The following TMEM181 variants were observed in gnomAD, a reference collection of about 807,000 sequenced individuals.
TMEM181 encodes the protein G protein-coupled receptor 178.
TMEM181 carries 39 observed loss-of-function variants against 71.9 expected under a neutral mutation model. That is an observed-to-expected ratio of 0.54 (90% confidence interval 0.42 to 0.71). The LOEUF (loss-of-function observed/expected upper bound fraction) is 0.71. TMEM181 is among the 30% of genes least tolerant of loss of function. TMEM181 has a pLI of 0.00. For synonymous variants in TMEM181, 245 were observed against 228.8 expected, an observed-to-expected ratio of 1.07 and a Z score of -0.64; for missense variants, 595 against 583.0, an observed-to-expected ratio of 1.02 and a Z score of -0.21.
chr6:158,542,203 G>C (rs1439244647), intron 1 of TMEM181, among the ~76,000 whole-genome samples: 1 of 152,056 alleles, frequency 6.6e-6, no homozygotes, highest in Non-Finnish European at 1.5e-5. Flanking sequence ...CACTGCACCC[G>C]GCCTAGATAT....
chr6:158,617,354 T>C (rs1338044170), intron 10 of TMEM181, among the ~76,000 whole-genome samples: 4 of 152,180 alleles, frequency 2.6e-5, no homozygotes, highest in African/African-American at 9.7e-5. Flanking sequence ...TTTTATTGCA[T>C]CTATTTGGTT....
chr6:158,589,110 A>G (rs1783952635), intron 5 of TMEM181, among the ~76,000 whole-genome samples: 1 of 152,254 alleles, frequency 6.6e-6, no homozygotes, highest in Admixed American at 6.5e-5. Context: ...GAGCACACGT[A>G]TCCTCACATC....
rs188967102 is a variant in TMEM181, at chr6:158,566,325, C to T, written c.8+6093C>T. Reference sequence around the variant, plus strand: ...TCATACCTGCATCCTCTCGCAAGCCCGAGACAGGATGAGATTACCAAGGGA... The same window carrying T: ...TCATACCTGCATCCTCTCGCAAGCCTGAGACAGGATGAGATTACCAAGGGA... On this transcript the variant is annotated intron_variant, in intron 1 of 16. Transcript: ENST00000684151. 7.7e-4 allele frequency among the ~76,000 whole-genome samples: 116 copies of T among 151,492 alleles called. 3 individuals are homozygous for T. The South Asian group carries it at 0.018, about 23-fold the overall frequency.
At chr6:158,608,614 A>G in intron 9 of TMEM181, 45 bp from the exon 10 acceptor site, 2 of 1,597,194 alleles carry the variant, frequency 1.3e-6, no homozygotes, top group Non-Finnish European at 1.7e-6. Context: ...TACAATTACC[A>G]ATTTGGTTTT....
chr6:158,562,706 G>T (rs1252466185), intron 1 of TMEM181, among the ~76,000 whole-genome samples: 1 of 152,016 alleles, frequency 6.6e-6, no homozygotes, highest in Non-Finnish European at 1.5e-5. Context: ...TCCTATTCCT[G>T]CAATCATTTA....
At chr6:158,600,183 T>C (rs113269488) in intron 6 of TMEM181, among the ~76,000 whole-genome samples, 47 of 152,142 alleles carry the variant, frequency 3.1e-4, no homozygotes, top group African/African-American at 1.1e-3. Flanking sequence ...ATTTTTTGTT[T>C]TTGAGATGGA....
rs146130515 is a variant in TMEM181, at chr6:158,589,799, A to G, written c.492+17A>G. The G allele has an allele frequency of 3.2e-6, 5 of 1,543,400 alleles. No homozygotes were observed. In the African/African-American group the frequency reaches 5.4e-5, roughly 17 times the overall value. ...AACTTCACAGTAAGTATACCAGCTG[A>G]CTGCACGTTTCCATGGCTCATGTTC... On this transcript the variant is annotated intron_variant, in intron 6 of 16. Transcript: ENST00000684151.
At chr6:158,567,098 C>T (rs4708794) in intron 1 of TMEM181, among the ~76,000 whole-genome samples, 97,667 of 152,114 alleles carry the variant, frequency 0.64, 31,762 homozygotes, top group East Asian at 0.76. Flanking sequence ...TTCCAAGGGC[C>T]CCGCGGCTCT....
In TMEM181 at chr6:158,632,100, A is replaced by G. The variant is rs1444088185; in HGVS notation, c.*212A>G. On this transcript the variant is annotated 3_prime_UTR_variant, in exon 17 of 17. Coordinates refer to ENST00000684151, the MANE Select transcript of TMEM181 (RefSeq NM_001376852.1). The stretch of plus-strand genomic sequence containing the variant: ...ATGGTGGCTACGAGAAGAGGCATTG[A>G]TAACAAGTTTCAACAGCCAAATCCT... 1 of 547,654 alleles carries G rather than the reference A, an allele frequency of 1.8e-6. No homozygotes were observed. The highest frequency in any genetic ancestry group is 2.9e-5 in the East Asian group (1 of 34,024). The allele number at this position is 547,654 out of a possible 1,614,324, so 33.9% of individuals were successfully genotyped here. A position where few individuals can be genotyped will look rare whatever the true frequency, so the allele number is the denominator to read the frequency against.
In TMEM181 at chr6:158,620,971, C is replaced by A. The variant is rs1015292750; in HGVS notation, c.897-2579C>A. On this transcript the variant is annotated intron_variant, in intron 10 of 16. Coordinates refer to ENST00000684151, the MANE Select transcript of TMEM181 (RefSeq NM_001376852.1). This position sits in a 1 kb window ranked among gnomAD's most constrained non-coding sequence, Gnocchi z 4.5. The stretch of plus-strand genomic sequence containing the variant: ...TACGGGCTAAGAGTATTTAAGCGTT[C>A]AGGGTGGGAGAGCTTATCACAGGCT... Among the ~76,000 whole-genome samples the A allele has an allele frequency of 6.6e-6, 1 of 152,188 alleles. No individual in the cohort carries two copies. The highest frequency in any genetic ancestry group is 1.5e-5 in the Non-Finnish European group (1 of 68,032).
At chr6:158,626,509 G>C (rs989940862) in intron 13 of TMEM181, 1 of 456,392 alleles carries the variant, frequency 2.2e-6, no homozygotes, top group African/African-American at 2.0e-5. Flanking sequence ...GTCAACCCTT[G>C]TCCAAGCTTT....
intron 10 of TMEM181, among the ~76,000 whole-genome samples, chr6:158,623,042 C>T (rs547463424): frequency 2.6e-5 from 4 of 152,290 alleles, no homozygotes; most frequent in Admixed American, 6.5e-5. Context: ...GGTGTGACTT[C>T]GGAGCCCAGC....
chr6:158,581,434 T>C (rs1484519300), intron 3 of TMEM181, among the ~76,000 whole-genome samples: 1 of 152,246 alleles, frequency 6.6e-6, no homozygotes, highest in Non-Finnish European at 1.5e-5. Context: ...GTGAACTCAA[T>C]TTAAATGAAA....
At chr6:158,613,554 T>C (rs1583036149) in intron 10 of TMEM181, among the ~76,000 whole-genome samples, 1 of 152,162 alleles carries the variant, frequency 6.6e-6, no homozygotes, top group African/African-American at 2.4e-5. Context: ...CATGCTTTGC[T>C]TAGCACAGGT....
At chr6:158,559,040 C>T (rs372645647), upstream of TMEM181, among the ~76,000 whole-genome samples, 57 of 152,324 alleles carry the variant, frequency 3.7e-4, no homozygotes, top group Non-Finnish European at 6.3e-4. Context: ...ATTCAGAGCA[C>T]TAATGAGATT....
intron 1 of TMEM181, among the ~76,000 whole-genome samples, chr6:158,560,913 C>G (rs942873317): frequency 6.6e-6 from 1 of 152,040 alleles, no homozygotes; most frequent in African/African-American, 2.4e-5. Context: ...TTGCTTTTGA[C>G]CCAGCAGTCG....
intron 11 of TMEM181, among the ~76,000 whole-genome samples, chr6:158,624,022 A>T (rs764448181): frequency 1.3e-5 from 2 of 152,222 alleles, no homozygotes; most frequent in South Asian, 4.1e-4. Flanking sequence ...TCGGCCTCCC[A>T]AAGTGCTGGG....
In TMEM181 at chr6:158,634,884, A is replaced by C. The variant is rs1419343545; in HGVS notation, c.*2996A>C. On this transcript the variant is annotated 3_prime_UTR_variant, in exon 17 of 17. Coordinates refer to ENST00000684151, the MANE Select transcript of TMEM181 (RefSeq NM_001376852.1). ...AATTATTTCCTGAATCCTTTATCAC[A>C]GGAAAAACACAGACCCTCATAAAAG... The C allele has an allele frequency of 6.6e-6, 1 of 152,212 alleles. No homozygotes were observed. Among genetic ancestry groups the C allele is most frequent in the Non-Finnish European group, 1.5e-5 (1 of 68,040 alleles). The allele number at this position is 152,212 out of a possible 1,614,324, so 9.4% of individuals were successfully genotyped here. A position where few individuals can be genotyped will look rare whatever the true frequency, so the allele number is the denominator to read the frequency against.
intron 1 of TMEM181, among the ~76,000 whole-genome samples, chr6:158,544,260 C>T (rs1781454259): frequency 6.7e-6 from 1 of 149,840 alleles, no homozygotes; most frequent in African/African-American, 2.5e-5. Context: ...AGGAAACAGG[C>T]TCTGGCCTAG....
Sources: allele counts gnomAD v4.1 joint callset (sites outside exome capture counted in the v4.1 genomes callset), GRCh38; gene constraint gnomAD v4.1.1; non-coding constraint Gnocchi (gnomAD v3.1); transcripts MANE v1.5; gene names NCBI Gene and HGNC (gene_info 2026-07-23, HGNC 2026-07-21).